NECTIN3: variants seen among roughly 807,000 people sequenced by gnomAD.
NECTIN3 encodes the protein nectin-3.
A neutral mutation model predicts 49.4 loss-of-function variants in NECTIN3; 8 were observed. The observed-to-expected ratio is 0.16, with a 90% CI of 0.10 to 0.29. NECTIN3 has a LOEUF of 0.29. NECTIN3 is among the 10% of genes least tolerant of loss of function. NECTIN3 has a pLI of 1.00. For synonymous variants in NECTIN3, 277 were observed against 241.1 expected (o/e 1.15, Z -1.38); for missense variants, 581 against 654.6 (o/e 0.89, Z 1.23).
At chr3:111,110,762 G>A (rs1368131041) in intron 1 of NECTIN3, among the ~76,000 whole-genome samples, 2 of 152,006 alleles carry the variant, frequency 1.3e-5, no homozygotes, top group Non-Finnish European at 2.9e-5. Flanking sequence ...TAAATTCGTA[G>A]CTGTTAAGTG....
intron 7 of NECTIN3, among the ~76,000 whole-genome samples, chr3:111,183,491 T>C (rs111365948): frequency 0.039 from 5,883 of 152,158 alleles, 144 homozygotes; most frequent in African/African-American, 0.062. Flanking sequence ...TTTTTGTATT[T>C]TTATTAGAGA....
chr3:111,137,370 TG>T lies in NECTIN3; in HGVS notation c.*3156del. ...TAAACAGCTCCTTTCTCAAATTTTTTGTATATTGTGTTTGTGTTTGGGTTTT... is the reference window on the plus strand; with the variant it reads ...TAAACAGCTCCTTTCTCAAATTTTTTTATATTGTGTTTGTGTTTGGGTTTT... On this transcript the variant is annotated 3_prime_UTR_variant, in exon 6 of 6. Transcript: ENST00000485303. 1.0e-6 allele frequency: 1 copy of T among 965,190 alleles called. No homozygotes were observed. The highest frequency in any genetic ancestry group is 1.2e-6 in the Non-Finnish European group (1 of 811,950). 59.8% of individuals were successfully genotyped at this position (965,190 alleles called of 1,614,324 possible). A position where few individuals can be genotyped will look rare whatever the true frequency, so the allele number is the denominator to read the frequency against.
intron 5 of NECTIN3, among the ~76,000 whole-genome samples, chr3:111,126,906 TTC>T (rs2034183921): frequency 1.3e-5 from 2 of 152,184 alleles, no homozygotes; most frequent in Non-Finnish European, 2.9e-5. Flanking sequence ...ATTTTTCACA[TTC>T]TGTTTCACTT....
intron 1 of NECTIN3, among the ~76,000 whole-genome samples, chr3:111,098,452 C>G (rs1360572707): frequency 6.6e-6 from 1 of 152,152 alleles, no homozygotes; most frequent in Non-Finnish European, 1.5e-5. Flanking sequence ...CTTCTTTCAG[C>G]TTTGGTGGCT....
At chr3:111,170,105 T>C (rs1239954696) in intron 7 of NECTIN3, among the ~76,000 whole-genome samples, 2 of 152,200 alleles carry the variant, frequency 1.3e-5, no homozygotes, top group Non-Finnish European at 2.9e-5. Context: ...TGAAATCCTC[T>C]TTAAACTTTT....
intron 5 of NECTIN3, among the ~76,000 whole-genome samples, chr3:111,130,605 A>C (rs2034351720): frequency 6.6e-6 from 1 of 152,172 alleles, no homozygotes; most frequent in South Asian, 2.1e-4. Flanking sequence ...GCATCTTAGG[A>C]CTAGAGATGA....
At chr3:111,138,025 TTA>T (rs1181002280), downstream of NECTIN3, among the ~76,000 whole-genome samples, 4 of 151,618 alleles carry the variant, frequency 2.6e-5, no homozygotes, top group East Asian at 1.9e-4. Flanking sequence ...AAAACCCATT[TTA>T]TATGTTTTTG....
intron 5 of NECTIN3, among the ~76,000 whole-genome samples, chr3:111,127,448 A>G (rs976106049): frequency 7.5e-5 from 11 of 147,248 alleles, no homozygotes; most frequent in Non-Finnish European, 1.5e-4. Context: ...CTGGCACATG[A>G]TAGAGGTGCA....
At chr3:111,082,484 GA>G (rs1359900115) in intron 1 of NECTIN3, among the ~76,000 whole-genome samples, 1 of 152,130 alleles carries the variant, frequency 6.6e-6, no homozygotes, top group Non-Finnish European at 1.5e-5. Context: ...TAAGCTATCG[GA>G]GGGAGAGAGA....
Position 111,173,199 on chromosome 3 carries a change from A to G in NECTIN3, c.1222-19152A>G, listed in dbSNP as rs905086203. Among the ~76,000 whole-genome samples the G allele has an allele frequency of 3.9e-5, 6 of 152,326 alleles. No homozygotes were observed. In the South Asian group the frequency reaches 1.2e-3, roughly 32 times the overall value. ...TACAAGATGCTTCATCTCTGTGAAC[A>G]AGGAAGATCTATTTCTGAACCTGCA... On this transcript the variant is annotated intron_variant, in intron 7 of 8. Transcript: ENST00000493615.
chr3:111,159,122 A>G (rs2035158163), intron 7 of NECTIN3, among the ~76,000 whole-genome samples: 1 of 152,164 alleles, frequency 6.6e-6, no homozygotes, highest in Admixed American at 6.5e-5. Context: ...ATCTTTTGTA[A>G]GTCTATTTTT....
chr3:111,173,652 G>T (rs1438507081), intron 7 of NECTIN3, among the ~76,000 whole-genome samples: 4 of 152,178 alleles, frequency 2.6e-5, no homozygotes, highest in East Asian at 3.9e-4. Flanking sequence ...CTGATTTCCT[G>T]GGTAGAATAT....
chr3:111,138,565 G>C (rs2034655125), downstream of NECTIN3, among the ~76,000 whole-genome samples: 1 of 151,330 alleles, frequency 6.6e-6, no homozygotes, highest in Non-Finnish European at 1.5e-5. Flanking sequence ...GTTTTGCCTT[G>C]TATTCCCTTA....
Position 111,135,333 on chromosome 3 carries a change from A to T in NECTIN3, c.*1118A>T, listed in dbSNP as rs1035394941. 4.2e-6 allele frequency: 4 copies of T among 944,622 alleles called. No homozygotes were observed. The African/African-American group carries it at 7.1e-5, about 17-fold the overall frequency. The allele number at this position is 944,622 out of a possible 1,614,324, so 58.5% of individuals were successfully genotyped here. A position where few individuals can be genotyped will look rare whatever the true frequency, so the allele number is the denominator to read the frequency against. ...TCATCTCCTTTTTCCTCCTAAGTGT[A>T]TGTATGTGTTTTAAGATTTCTGTTT... On this transcript the variant is annotated 3_prime_UTR_variant, in exon 6 of 6. Transcript: ENST00000485303.
intron 7 of NECTIN3, chr3:111,147,569 T>G: frequency 1.8e-6 from 2 of 1,121,060 alleles, no homozygotes; most frequent in Non-Finnish European, 2.5e-6. Context: ...TTCAAAATGT[T>G]GTTTAGTCAT....
rs1476877144 is a variant in NECTIN3, at chr3:111,170,624, A to G, written c.1222-21727A>G. On this transcript the variant is annotated intron_variant, in intron 7 of 8. Transcript: ENST00000493615. ...GAGCAGAGTAGGGGTCAGTGGATGA[A>G]AAATTACTAAGAGGAAGCATCAGAG... 2.6e-5 allele frequency among the ~76,000 whole-genome samples: 4 copies of G among 152,240 alleles called. No individual in the cohort carries two copies. The East Asian group carries it at 7.7e-4, about 29-fold the overall frequency.
rs958861427 is a variant in NECTIN3, at chr3:111,137,440, T to TTTTTG, written c.*3250_*3254dup. ...GTTTTGGTTTTGTTGTGTTTGGTGT[T>TTTTTG]TTTTGTTTTGTTTTGTTTTGTTTTG... is the stretch of plus-strand genomic sequence containing the variant. On this transcript the variant is annotated 3_prime_UTR_variant, in exon 6 of 6. Transcript: ENST00000485303. The TTTTTG allele has an allele frequency of 4.3e-4, 410 of 950,122 alleles. No individual in the cohort carries two copies. The highest frequency in any genetic ancestry group is 4.9e-4 in the Non-Finnish European group (391 of 799,718). 58.9% of individuals were successfully genotyped at this position (950,122 alleles called of 1,614,324 possible).
At chr3:111,118,246 AGC>A (rs1576124360) in intron 2 of NECTIN3, among the ~76,000 whole-genome samples, 1 of 96,048 alleles carries the variant, frequency 1.0e-5, no homozygotes, top group East Asian at 2.9e-4. Context: ...TGTAAAATGA[AGC>A]TATATATATA....
chr3:111,147,126 A>G (rs942502398), intron 6 of NECTIN3, among the ~76,000 whole-genome samples: 2 of 152,142 alleles, frequency 1.3e-5, no homozygotes, highest in Non-Finnish European at 2.9e-5. Flanking sequence ...AAAGTCATAT[A>G]CTGGATTACT....
Sources: gnomAD v4.1 joint callset for allele counts (sites outside exome capture counted in the v4.1 genomes callset) on GRCh38, gnomAD v4.1.1 for gene constraint, MANE v1.5 for transcripts, NCBI Gene and HGNC (gene_info 2026-07-23, HGNC 2026-07-21) for gene names.